Variants in GRIA3 observed in about 807,000 individuals in gnomAD.
GRIA3 encodes glutamate receptor 3.
A neutral mutation model predicts 63.0 loss-of-function variants in GRIA3; 3 were observed. The ratio of observed to expected loss-of-function variants is 0.05; its 90% CI spans 0.02 to 0.12. The LOEUF is 0.12. Ranked by LOEUF, GRIA3 falls within the 10% of genes least tolerant of loss-of-function variation. The pLI is 1.00. For synonymous variants in GRIA3, 274 were observed against 257.9 expected, an observed-to-expected ratio of 1.06 and a Z score of -0.60; for missense variants, 347 against 700.9, an observed-to-expected ratio of 0.50 and a Z score of 5.70.
At chrX:123,260,761 C>T (rs2044455465) in intron 3 of GRIA3, among the ~76,000 whole-genome samples, 2 of 108,983 alleles carry the variant, frequency 1.8e-5, no homozygotes, top group South Asian at 4.2e-4. Flanking sequence ...GTGTGAGAGA[C>T]GGATACTAAA....
intron 12 of GRIA3, among the ~76,000 whole-genome samples, chrX:123,443,262 C>G (rs1208208233): frequency 8.9e-6 from 1 of 111,971 alleles, no homozygotes; most frequent in African/African-American, 3.2e-5. Flanking sequence ...AAATCATGGC[C>G]AAAAGCCTTG....
intron 2 of GRIA3, among the ~76,000 whole-genome samples, chrX:123,230,684 T>C (rs749353545): frequency 1.3e-4 from 15 of 111,897 alleles, no homozygotes; most frequent in African/African-American, 4.5e-4. Flanking sequence ...GCTGTCACTT[T>C]ATTCAATTCT....
At chrX:123,386,777 G>A (rs763593067) in intron 5 of GRIA3, among the ~76,000 whole-genome samples, 5 of 111,397 alleles carry the variant, frequency 4.5e-5, no homozygotes, top group African/African-American at 1.6e-4. Flanking sequence ...TAAATATGTG[G>A]ATTTATTTCT....
At chrX:123,272,885 C>G (rs1421928844) in intron 3 of GRIA3, among the ~76,000 whole-genome samples, 1 of 111,521 alleles carries the variant, frequency 9.0e-6, no homozygotes, top group Non-Finnish European at 1.9e-5. Flanking sequence ...AGATCTTATC[C>G]TGGGCACACA....
chrX:123,228,585 A>G (rs1404262787), intron 2 of GRIA3, among the ~76,000 whole-genome samples: 1 of 111,846 alleles, frequency 8.9e-6, no homozygotes, highest in African/African-American at 3.3e-5. Context: ...AAGATTCAAT[A>G]ACACCATTGA....
At chrX:123,267,327 C>T (rs1220313116) in intron 3 of GRIA3, among the ~76,000 whole-genome samples, 1 of 111,313 alleles carries the variant, frequency 9.0e-6, no homozygotes, top group Non-Finnish European at 1.9e-5. Context: ...AAAAACATTA[C>T]CTTCCTGGTC....
chrX:123,223,726 G>A (rs894898514), intron 2 of GRIA3, among the ~76,000 whole-genome samples: 3 of 111,634 alleles, frequency 2.7e-5, no homozygotes, highest in African/African-American at 9.8e-5. Context: ...CAGGATAAGG[G>A]TGGAAGGGAG....
At chrX:123,455,969 A>T (rs1157308300) in intron 12 of GRIA3, among the ~76,000 whole-genome samples, 1 of 111,486 alleles carries the variant, frequency 9.0e-6, no homozygotes, top group African/African-American at 3.3e-5. Context: ...AGTTCTGGTT[A>T]GGCCTTATTT....
intron 5 of GRIA3, among the ~76,000 whole-genome samples, chrX:123,366,431 G>C (rs1362151936): frequency 9.0e-6 from 1 of 111,216 alleles, no homozygotes; most frequent in Non-Finnish European, 1.9e-5. Context: ...CTTAACTATT[G>C]GTTCCCTTGC....
intron 5 of GRIA3, among the ~76,000 whole-genome samples, chrX:123,366,380 T>A (rs2045210392): frequency 9.0e-6 from 1 of 111,291 alleles, no homozygotes; most frequent in Non-Finnish European, 1.9e-5. Flanking sequence ...AGATTCATCT[T>A]CTGTAACTTC....
intron 3 of GRIA3, among the ~76,000 whole-genome samples, chrX:123,305,715 C>A (rs1470237409): frequency 1.8e-5 from 2 of 112,135 alleles, no homozygotes; most frequent in African/African-American, 6.5e-5. Flanking sequence ...CCTCTAGCAT[C>A]AGGCCTTTAT....
At chrX:123,361,860 C>T (rs753016041) in intron 5 of GRIA3, among the ~76,000 whole-genome samples, 15 of 111,532 alleles carry the variant, frequency 1.3e-4, no homozygotes, top group African/African-American at 4.2e-4. Flanking sequence ...CCAGTTTTTC[C>T]CCCCAAGATC....
At chrX:123,479,233 A>G (rs1219038791) in intron 13 of GRIA3, among the ~76,000 whole-genome samples, 3 of 112,668 alleles carry the variant, frequency 2.7e-5, no homozygotes, top group African/African-American at 9.7e-5. Context: ...AGGCCCTGCC[A>G]TATTAATAAT....
At chrX:123,389,736 C>A (rs1449026081) in intron 5 of GRIA3, among the ~76,000 whole-genome samples, 1 of 109,947 alleles carries the variant, frequency 9.1e-6, no homozygotes, top group Non-Finnish European at 1.9e-5. Flanking sequence ...GAAACAAAGT[C>A]TCGCTCTGTT....
intron 4 of GRIA3, among the ~76,000 whole-genome samples, chrX:123,330,251 T>A (rs1352028047): frequency 8.9e-6 from 1 of 111,838 alleles, no homozygotes; most frequent in African/African-American, 3.2e-5. Flanking sequence ...AGCAGATAGG[T>A]TTTATCCCAA....
chrX:123,241,029 G>A (rs1204277513), intron 2 of GRIA3, among the ~76,000 whole-genome samples: 1 of 111,731 alleles, frequency 9.0e-6, no homozygotes, highest in East Asian at 2.8e-4. Flanking sequence ...GGAGCATACT[G>A]AAGAACTTTA....
At chrX:123,321,303 G>T (rs2044866098) in intron 3 of GRIA3, among the ~76,000 whole-genome samples, 2 of 111,536 alleles carry the variant, frequency 1.8e-5, no homozygotes, top group South Asian at 7.6e-4. Context: ...GGCACAAATT[G>T]CTATAAATGT....
chrX:123,369,565 G>T (rs1204285477), intron 5 of GRIA3, among the ~76,000 whole-genome samples: 1 of 112,137 alleles, frequency 8.9e-6, no homozygotes, highest in East Asian at 2.8e-4. Flanking sequence ...GCTTGTCCAT[G>T]ACTCCAATAA....
intron 5 of GRIA3, among the ~76,000 whole-genome samples, chrX:123,393,295 A>G (rs747871632): frequency 1.3e-4 from 15 of 112,397 alleles, no homozygotes; most frequent in Non-Finnish European, 2.4e-4. Context: ...AGAAGCACGG[A>G]TGGAGGTGCT....
Sources: allele counts gnomAD v4.1 joint callset (sites outside exome capture counted in the v4.1 genomes callset), GRCh38; gene constraint gnomAD v4.1.1; transcripts MANE v1.5; gene names NCBI Gene and HGNC (gene_info 2026-07-23, HGNC 2026-07-21).